Variants in CCNA2 observed in about 807,000 individuals in gnomAD.
CCNA2 encodes cyclin-A2.
In CCNA2, 3 loss-of-function variants were observed where a neutral mutation model predicts 49.4. The observed-to-expected ratio is 0.06, with a 90% CI of 0.03 to 0.16. The LOEUF is 0.16. CCNA2 is among the 10% of genes least tolerant of loss of function. CCNA2 has a pLI of 1.00. For synonymous variants in CCNA2, 206 were observed against 197.2 expected, an observed-to-expected ratio of 1.04 and a Z score of -0.37; for missense variants, 372 against 519.7, an observed-to-expected ratio of 0.72 and a Z score of 2.76.
rs1724763931 is a variant in CCNA2, at chr4:121,823,678, G to T, written c.-50C>A. ...GGATCAGCCTGCGGCGCCAAGCAGC[G>T]TGCACTCTGCCCAGCCGACCACTCG... On this transcript the variant is annotated 5_prime_UTR_variant, in exon 1 of 8. Transcript: ENST00000274026. The T allele has an allele frequency of 1.3e-6, 2 of 1,516,650 alleles. No individual in the cohort carries two copies. Among genetic ancestry groups the T allele is most frequent in the Admixed American group, 2.0e-5 (1 of 49,788 alleles). The allele number at this position is 1,516,650 out of a possible 1,614,324, so 93.9% of individuals were successfully genotyped here.
chr4:121,819,555 T>G lies in CCNA2; in HGVS notation c.819A>C (p.Pro273=). Residue 273 remains proline, a synonymous_variant, in exon 5 of 8, where the codon CCA becomes CCC. Coordinates refer to ENST00000274026, the MANE Select transcript of CCNA2 (RefSeq NM_001237.5). ...TAATGTACACAAACTCTGCTACTTCTGGGGGGTATATTTCTTCAAACTTTC... is the reference window on the plus strand; with the variant it reads ...TAATGTACACAAACTCTGCTACTTCGGGGGGGTATATTTCTTCAAACTTTC... The part of the protein sequence containing the change: ...LASKFEEIYP[P]EVAEFVYITD... 6.2e-7 allele frequency: 1 copy of G among 1,613,606 alleles called. No individual in the cohort carries two copies. The highest frequency in any genetic ancestry group is 1.3e-5 in the African/African-American group (1 of 75,040).
At position 121,820,351 on chromosome 4, in the gene CCNA2, T is replaced by TG. The variant is rs1262122507; in HGVS notation, c.794+190dup. ...CTATATCATGTTCAAGGAATCCAGT[T>TG]GGGGGAAAATTAGTGTTCTAGATTA... On this transcript the variant is annotated intron_variant, in intron 4 of 7. Coordinates refer to ENST00000274026, the MANE Select transcript of CCNA2 (RefSeq NM_001237.5). The surrounding 1 kb of genome is among the most constrained non-coding windows in gnomAD (Gnocchi z 4.1). 6.6e-6 allele frequency among the ~76,000 whole-genome samples: 1 copy of TG among 152,192 alleles called. No homozygotes were observed. Among genetic ancestry groups the TG allele is most frequent in the Non-Finnish European group, 1.5e-5 (1 of 68,034 alleles).
Position 121,820,920 on chromosome 4 carries a change from A to G in CCNA2, c.570+59T>C. 6.8e-7 allele frequency: 1 copy of G among 1,470,248 alleles called. No individual in the cohort carries two copies. The highest frequency in any genetic ancestry group is 2.3e-5 in the East Asian group (1 of 43,968). The allele number at this position is 1,470,248 out of a possible 1,614,324, so 91.1% of individuals were successfully genotyped here. ...TAAAAATTTAAACATTATCCTCTCA[A>G]TTTCATTTAGCCACATTTAACAAAT... On this transcript the variant is annotated intron_variant, in intron 3 of 7. Transcript: ENST00000274026. This position sits in a 1 kb window ranked among gnomAD's most constrained non-coding sequence, Gnocchi z 4.1.
In CCNA2 at chr4:121,816,739, T is replaced by C; in HGVS notation, c.*899A>G. On this transcript the variant is annotated 3_prime_UTR_variant, in exon 8 of 8. Coordinates refer to ENST00000274026, the MANE Select transcript of CCNA2 (RefSeq NM_001237.5). ...TTCAATAATCCAAAACTTAACATAC[T>C]CTTAGTAAATTCTTACTTTGCTTTA... 1 of 1,546,658 alleles carries C rather than the reference T, an allele frequency of 6.5e-7. No individual in the cohort carries two copies. Among genetic ancestry groups the C allele is most frequent in the Non-Finnish European group, 8.7e-7 (1 of 1,152,038 alleles).
At chr4:121,819,307 G>A in intron 5 of CCNA2, 65 bp downstream of exon 5, 1 of 1,228,340 alleles carries the variant, frequency 8.1e-7, no homozygotes, top group Non-Finnish European at 1.2e-6. Flanking sequence ...CTTTACAAAG[G>A]AATTAGGGCT....
Position 121,816,823 on chromosome 4 carries a change from GAAAAGAAGAA to G in CCNA2, c.*805_*814del. The G allele has an allele frequency of 6.3e-7, 1 of 1,598,194 alleles. No homozygotes were observed. Among genetic ancestry groups the G allele is most frequent in the Non-Finnish European group, 8.5e-7 (1 of 1,170,928 alleles). Reference sequence around the variant, plus strand: ...AAAAAGCACCAAGTAAAAAGCCAGTGAAAAGAAGAAAAAAGAAGAGAGCTGCCAATTAAAG... The same window carrying G: ...AAAAAGCACCAAGTAAAAAGCCAGTGAAAAGAAGAGAGCTGCCAATTAAAG... On this transcript the variant is annotated 3_prime_UTR_variant, in exon 8 of 8. Coordinates refer to ENST00000274026, the MANE Select transcript of CCNA2 (RefSeq NM_001237.5).
In CCNA2 at chr4:121,816,493, C is replaced by CAT. The variant is rs752777555; in HGVS notation, c.*1144_*1145insAT. On this transcript the variant is annotated 3_prime_UTR_variant, in exon 8 of 8. Coordinates refer to ENST00000274026, the MANE Select transcript of CCNA2 (RefSeq NM_001237.5). The stretch of plus-strand genomic sequence containing the variant: ...TTCAAATGTATACATATACTCAACA[C>CAT]TTATAGAGGTTTGCTCTCTGGTTTT... The CAT allele has an allele frequency of 1.1e-5, 14 of 1,223,666 alleles. No homozygotes were observed. The highest frequency in any genetic ancestry group is 1.5e-5 in the Non-Finnish European group (13 of 862,456). The allele number at this position is 1,223,666 out of a possible 1,614,324, so 75.8% of individuals were successfully genotyped here.
chr4:121,822,347 T>TA (rs1724708049), intron 2 of CCNA2, 56 bp downstream of exon 2: 4 of 1,520,510 alleles, frequency 2.6e-6, no homozygotes, highest in Non-Finnish European at 2.7e-6. Context: ...AAATCATTAA[T>TA]ATCATCTAAT....
chr4:121,820,204 G>A lies in CCNA2; in HGVS notation c.794+338C>T, dbSNP rs923140787. On this transcript the variant is annotated intron_variant, in intron 4 of 7. Coordinates refer to ENST00000274026, the MANE Select transcript of CCNA2 (RefSeq NM_001237.5). This position sits in a 1 kb window ranked among gnomAD's most constrained non-coding sequence, Gnocchi z 4.1. The stretch of plus-strand genomic sequence containing the variant: ...GATCCGCCCACCTCGGCCTCCCAAA[G>A]TGCTGGGATTACAGGCGCGAGCCAC... Among the ~76,000 whole-genome samples the A allele has an allele frequency of 1.3e-5, 2 of 152,096 alleles. No individual in the cohort carries two copies. The highest frequency in any genetic ancestry group is 2.4e-5 in the African/African-American group (1 of 41,428).
In CCNA2 at chr4:121,819,500, G is replaced by A; in HGVS notation, c.874C>T (p.Leu292=). 1.2e-6 allele frequency: 2 copies of A among 1,613,700 alleles called. No individual in the cohort carries two copies. Among genetic ancestry groups the A allele is most frequent in the Non-Finnish European group, 1.7e-6 (2 of 1,179,620 alleles). ...TDDTYTKKQV[L]RMEHLVLKVL... The stretch of plus-strand genomic sequence containing the variant: ...TTCAAAACTAGATGCTCCATTCTCA[G>A]AACTTGTTTCTTGGTGTAGGTATCA... The change falls in exon 5 of 8, where the codon CTG becomes TTG. Residue 292 remains leucine, a synonymous_variant. Coordinates refer to ENST00000274026, the MANE Select transcript of CCNA2 (RefSeq NM_001237.5).
intron 1 of CCNA2, 55 bp from the exon 2 acceptor site, chr4:121,822,701 T>C: frequency 6.4e-7 from 1 of 1,572,022 alleles, no homozygotes; most frequent in Non-Finnish European, 8.6e-7. Flanking sequence ...TTCTTTCTCT[T>C]ATGGGTGTTG....
rs747533838 is a variant in CCNA2 at position 121,817,596 on chromosome 4, T to C, written c.*42A>G. 1.2e-6 allele frequency: 2 copies of C among 1,612,508 alleles called. No individual in the cohort carries two copies. Among genetic ancestry groups the C allele is most frequent in the South Asian group, 2.2e-5 (2 of 90,970 alleles). ...GTTAAAAACTGTACACCATATACTT[T>C]GAGTGATTTACATCTTAGAAAACAA... On this transcript the variant is annotated 3_prime_UTR_variant, in exon 8 of 8. Coordinates refer to ENST00000274026, the MANE Select transcript of CCNA2 (RefSeq NM_001237.5).
Position 121,816,873 on chromosome 4 carries a change from T to C in CCNA2, c.*765A>G, listed in dbSNP as rs1387455718. The C allele has an allele frequency of 1.9e-6, 3 of 1,544,580 alleles. No individual in the cohort carries two copies. Among genetic ancestry groups the C allele is most frequent in the Non-Finnish European group, 2.6e-6 (3 of 1,140,488 alleles). ...GCCAATTAAAGCTAACAGTTGTATA[T>C]CTGTATATATAACTATTAAAAGGGA... is the stretch of plus-strand genomic sequence containing the variant. On this transcript the variant is annotated 3_prime_UTR_variant, in exon 8 of 8. Transcript: ENST00000274026.
At position 121,816,631 on chromosome 4, in the gene CCNA2, A is replaced by G. The variant is rs1227036497; in HGVS notation, c.*1007T>C. The G allele has an allele frequency of 3.3e-6, 3 of 905,742 alleles. No homozygotes were observed. The highest frequency in any genetic ancestry group is 4.8e-6 in the Non-Finnish European group (3 of 620,878). 56.1% of individuals were successfully genotyped at this position (905,742 alleles called of 1,614,324 possible). On this transcript the variant is annotated 3_prime_UTR_variant, in exon 8 of 8. Transcript: ENST00000274026. ...TTTATAAAAATTAGGACCTAAATCT[A>G]TAATATAAACTTCTTGGATGCCAGT...
chr4:121,818,773 T>TA (rs772314697), intron 6 of CCNA2, 27 bp downstream of exon 6: 1 of 1,284,068 alleles, frequency 7.8e-7, no homozygotes, highest in Non-Finnish European at 1.1e-6. Flanking sequence ...AGTCACAAGA[T>TA]AGGTGTGTGA....
intron 7 of CCNA2, among the ~76,000 whole-genome samples, 175 bp downstream of exon 7, chr4:121,817,869 T>C (rs1251069571): frequency 3.3e-5 from 5 of 152,124 alleles, no homozygotes; most frequent in Non-Finnish European, 7.4e-5. Context: ...CCTTCTCTCT[T>C]CTCCCCCAGA....
chr4:121,819,942 T>TC (rs1387881939), intron 4 of CCNA2, among the ~76,000 whole-genome samples: 12 of 147,468 alleles, frequency 8.1e-5, no homozygotes, highest in African/African-American at 3.0e-4. Flanking sequence ...TTTCTTTCTT[T>TC]TTTTTTTTTT....
chr4:121,821,949 C>T (rs1724701883), intron 2 of CCNA2, among the ~76,000 whole-genome samples: 1 of 152,184 alleles, frequency 6.6e-6, no homozygotes, highest in Admixed American at 6.5e-5. Context: ...AAAAGTGTCA[C>T]TTTCTGGTAT....
intron 4 of CCNA2, among the ~76,000 whole-genome samples, chr4:121,819,827 A>G (rs115356360): frequency 0.016 from 2,374 of 152,246 alleles, 49 homozygotes; most frequent in African/African-American, 0.054. Context: ...AAGGCATGAG[A>G]CTTCTCGAGA....
Sources: gnomAD v4.1 joint callset for allele counts (sites outside exome capture counted in the v4.1 genomes callset) on GRCh38, gnomAD v4.1.1 for gene constraint, Gnocchi (gnomAD v3.1) non-coding constraint, MANE v1.5 for transcripts, NCBI Gene and HGNC (gene_info 2026-07-23, HGNC 2026-07-21) for gene names.